The following CNTN5 variants were observed in gnomAD, a reference collection of about 807,000 sequenced individuals.
CNTN5 encodes the protein contactin-5.
In CNTN5, 77 loss-of-function variants were observed where a neutral mutation model predicts 129.1. That is an observed-to-expected ratio of 0.60 (90% CI 0.50 to 0.72). CNTN5 has a LOEUF of 0.72. Among genes scored for constraint, CNTN5 ranks in the 30% least tolerant of loss-of-function variants. The probability of loss-of-function intolerance (pLI) is 0.00; values close to 1 mark genes in which losing one functional copy is unlikely to be tolerated. For synonymous variants in CNTN5, 509 were observed against 465.6 expected, an observed-to-expected ratio of 1.09 and a Z score of -1.20; for missense variants, 1,478 against 1,328.8, an observed-to-expected ratio of 1.11 and a Z score of -1.75.
chr11:99,080,980 G>GTTTT (rs766619743), intron 1 of CNTN5, among the ~76,000 whole-genome samples: 32,960 of 111,834 alleles, frequency 0.29, 4,842 homozygotes, highest in Middle Eastern at 0.33. Context: ...TGAGAAATCA[G>GTTTT]TTTTTTTTTT....
chr11:100,243,318 G>A (rs1295183319), intron 16 of CNTN5, among the ~76,000 whole-genome samples: 4 of 152,226 alleles, frequency 2.6e-5, no homozygotes, highest in Non-Finnish European at 5.9e-5. Flanking sequence ...TTATGTGCAA[G>A]AGGGGAGTTG....
At chr11:99,135,276 G>A (rs963202145) in intron 1 of CNTN5, among the ~76,000 whole-genome samples, 1 of 152,144 alleles carries the variant, frequency 6.6e-6, no homozygotes, top group Non-Finnish European at 1.5e-5. Flanking sequence ...ATTGATAATT[G>A]TAATACATCC....
intron 7 of CNTN5, among the ~76,000 whole-genome samples, chr11:99,942,133 T>G (rs930896792): frequency 2.0e-5 from 3 of 152,078 alleles, no homozygotes; most frequent in African/African-American, 7.2e-5. Context: ...CATAACACTC[T>G]TTTCAAAATT....
intron 2 of CNTN5, among the ~76,000 whole-genome samples, chr11:99,513,581 A>G (rs1279010748): frequency 6.6e-6 from 1 of 152,156 alleles, no homozygotes; most frequent in East Asian, 1.9e-4. Flanking sequence ...ATGCTCATGT[A>G]GCATTCCAAA....
intron 17 of CNTN5, among the ~76,000 whole-genome samples, chr11:100,258,598 A>C (rs983359270): frequency 6.6e-6 from 1 of 151,980 alleles, no homozygotes; most frequent in Non-Finnish European, 1.5e-5. Flanking sequence ...TCTCAGCAGA[A>C]ACTCTACAAG....
At chr11:99,208,944 A>G (rs1859621609) in intron 1 of CNTN5, among the ~76,000 whole-genome samples, 1 of 152,166 alleles carries the variant, frequency 6.6e-6, no homozygotes, top group Admixed American at 6.6e-5. Context: ...GAGCATATGC[A>G]TCTCAATTTG....
At chr11:99,293,120 C>CA (rs1864239145) in intron 1 of CNTN5, among the ~76,000 whole-genome samples, 1 of 151,962 alleles carries the variant, frequency 6.6e-6, no homozygotes, top group African/African-American at 2.4e-5. Flanking sequence ...TTGGTTAAGA[C>CA]TTTTTTTATT....
At chr11:99,546,876 G>A (rs765156922) in intron 2 of CNTN5, among the ~76,000 whole-genome samples, 7 of 152,228 alleles carry the variant, frequency 4.6e-5, no homozygotes, top group Non-Finnish European at 1.0e-4. Context: ...TCTTAATTAA[G>A]TGACTTATTT....
At chr11:99,432,144 A>G (rs1371391458) in intron 2 of CNTN5, among the ~76,000 whole-genome samples, 2 of 152,174 alleles carry the variant, frequency 1.3e-5, no homozygotes, top group Admixed American at 1.3e-4. Flanking sequence ...TCAGCTTAAT[A>G]TATCCCTTTT....
intron 3 of CNTN5, among the ~76,000 whole-genome samples, chr11:99,774,766 G>T (rs140925205): frequency 6.6e-6 from 1 of 151,936 alleles, no homozygotes; most frequent in Non-Finnish European, 1.5e-5. Context: ...CAATGTTTCA[G>T]TTCCGTTAGA....
chr11:99,930,788 T>TACAAACACACACACAC (rs1376222143), intron 7 of CNTN5, among the ~76,000 whole-genome samples: 3 of 24,644 alleles, frequency 1.2e-4, no homozygotes, highest in African/African-American at 5.0e-4. Flanking sequence ...AATAAACACA[T>TACAAACACACACACAC]ACACACAAAC....
chr11:99,702,990 G>T (rs1954587655), intron 3 of CNTN5, among the ~76,000 whole-genome samples: 1 of 150,764 alleles, frequency 6.6e-6, no homozygotes, highest in African/African-American at 2.4e-5. Flanking sequence ...GATACACTGA[G>T]GGAATGTATA....
At chr11:100,100,576 T>A (rs1447360032) in intron 13 of CNTN5, among the ~76,000 whole-genome samples, 1 of 152,164 alleles carries the variant, frequency 6.6e-6, no homozygotes, top group African/African-American at 2.4e-5. Context: ...TTGCTTTTGC[T>A]GTACCTGGCT....
intron 3 of CNTN5, among the ~76,000 whole-genome samples, chr11:99,609,979 T>C (rs537282194): frequency 6.6e-6 from 1 of 152,234 alleles, no homozygotes; most frequent in East Asian, 1.9e-4. Flanking sequence ...TGTTACCTTA[T>C]TCAATCCTTA....
chr11:100,010,462 T>C (rs1940460190), intron 9 of CNTN5, among the ~76,000 whole-genome samples: 1 of 152,112 alleles, frequency 6.6e-6, no homozygotes, highest in African/African-American at 2.4e-5. Flanking sequence ...CTGTATTTTA[T>C]TGCTGCTAAG....
chr11:99,105,975 T>C (rs1866975212), intron 1 of CNTN5, among the ~76,000 whole-genome samples: 1 of 152,164 alleles, frequency 6.6e-6, no homozygotes, highest in Non-Finnish European at 1.5e-5. Context: ...ATGACAATGT[T>C]ATTCCCTTAT....
At chr11:99,455,734 T>A (rs2135212430) in intron 2 of CNTN5, among the ~76,000 whole-genome samples, 1 of 152,208 alleles carries the variant, frequency 6.6e-6, no homozygotes, top group Admixed American at 6.5e-5. Context: ...GGGGAATTAC[T>A]GAATTTTCCT....
chr11:99,156,070 T>A (rs1211275236), intron 1 of CNTN5, among the ~76,000 whole-genome samples: 2 of 152,086 alleles, frequency 1.3e-5, no homozygotes, highest in Non-Finnish European at 2.9e-5. Flanking sequence ...AAACAATGCC[T>A]AGATACCTGA....
intron 2 of CNTN5, among the ~76,000 whole-genome samples, chr11:99,352,108 A>G (rs35949301): frequency 0.18 from 26,695 of 152,204 alleles, 2,518 homozygotes; most frequent in South Asian, 0.26. Context: ...GAAAGTTTCG[A>G]ATTCTTCAAA....
Sources: gnomAD v4.1 joint callset for allele counts (sites outside exome capture counted in the v4.1 genomes callset) on GRCh38, gnomAD v4.1.1 for gene constraint, MANE v1.5 for transcripts, NCBI Gene and HGNC (gene_info 2026-07-23, HGNC 2026-07-21) for gene names.